CFAP299: variants seen among roughly 807,000 people sequenced by gnomAD.
CFAP299 encodes the protein cilia and flagella associated protein 299, also known as cilia- and flagella-associated protein 299.
CFAP299 carries 21 observed loss-of-function variants against 27.0 expected under a neutral mutation model. That is an observed-to-expected ratio of 0.78 (90% CI 0.55 to 1.12). The LOEUF (loss-of-function observed/expected upper bound fraction) is 1.12. CFAP299 is among the 50% of genes most tolerant of loss of function. CFAP299 has a pLI of 0.00. For synonymous variants in CFAP299, 104 were observed against 98.1 expected, an observed-to-expected ratio of 1.06 and a Z score of -0.36; for missense variants, 310 against 276.6, an observed-to-expected ratio of 1.12 and a Z score of -0.86.
intron 3 of CFAP299, among the ~76,000 whole-genome samples, chr4:80,740,739 G>A (rs1052114607): frequency 2.8e-4 from 42 of 152,144 alleles, no homozygotes; most frequent in African/African-American, 9.4e-4. Context: ...GCATACAAAC[G>A]ACAATGCAAA....
chr4:80,596,683 A>C (rs1317602892), intron 3 of CFAP299, among the ~76,000 whole-genome samples: 1 of 152,158 alleles, frequency 6.6e-6, no homozygotes, highest in Admixed American at 6.6e-5. Flanking sequence ...AAACCATTTG[A>C]TCACTACCCA....
chr4:80,591,657 G>A (rs960287775), intron 3 of CFAP299, among the ~76,000 whole-genome samples: 6 of 152,210 alleles, frequency 3.9e-5, no homozygotes, highest in Admixed American at 3.3e-4. Flanking sequence ...AAATGGAGGG[G>A]CACAGAGCCA....
intron 3 of CFAP299, among the ~76,000 whole-genome samples, chr4:80,647,179 T>A (rs1163042711): frequency 1.3e-5 from 2 of 152,150 alleles, no homozygotes; most frequent in African/African-American, 2.4e-5. Context: ...AAGGAATGAA[T>A]CTTTTTATCA....
chr4:80,878,190 C>T (rs1733516817), intron 4 of CFAP299, among the ~76,000 whole-genome samples: 1 of 152,034 alleles, frequency 6.6e-6, no homozygotes, highest in African/African-American at 2.4e-5. Flanking sequence ...TAAAAGAGCA[C>T]CTCTCTCCAT....
intron 2 of CFAP299, chr4:80,386,230 T>A: frequency 9.6e-7 from 1 of 1,046,002 alleles, no homozygotes; most frequent in Non-Finnish European, 1.4e-6. Flanking sequence ...ACATGGGCCC[T>A]CGGCCCCGGC....
chr4:80,715,053 A>G (rs1722400616), intron 3 of CFAP299, among the ~76,000 whole-genome samples: 1 of 152,134 alleles, frequency 6.6e-6, no homozygotes, highest in African/African-American at 2.4e-5. Context: ...CGATAGTCTT[A>G]CTAAAACCTC....
At chr4:80,783,146 C>T (rs931725103) in intron 3 of CFAP299, among the ~76,000 whole-genome samples, 1 of 152,086 alleles carries the variant, frequency 6.6e-6, no homozygotes, top group Non-Finnish European at 1.5e-5. Context: ...TTATTTAAGG[C>T]AGCAAATCTC....
At chr4:80,877,764 C>A (rs1733486543) in intron 4 of CFAP299, among the ~76,000 whole-genome samples, 1 of 152,016 alleles carries the variant, frequency 6.6e-6, no homozygotes. Context: ...ACTTTTTCAA[C>A]TTTTTATTAT....
intron 3 of CFAP299, among the ~76,000 whole-genome samples, chr4:80,755,133 A>T (rs1725160955): frequency 6.6e-6 from 1 of 152,084 alleles, no homozygotes; most frequent in Non-Finnish European, 1.5e-5. Context: ...GAAGTGGTGG[A>T]TATAAGGCAG....
At chr4:80,369,326 C>A (rs1488014066) in intron 2 of CFAP299, among the ~76,000 whole-genome samples, 1 of 152,310 alleles carries the variant, frequency 6.6e-6, no homozygotes, top group Non-Finnish European at 1.5e-5. Context: ...AGGAAACTCA[C>A]AATAAAGTCA....
chr4:80,693,505 C>G (rs1158851048), intron 3 of CFAP299, among the ~76,000 whole-genome samples: 9 of 132,472 alleles, frequency 6.8e-5, no homozygotes, highest in Non-Finnish European at 9.1e-5. Flanking sequence ...AATGAGAACA[C>G]ATGGACACAG....
intron 2 of CFAP299, among the ~76,000 whole-genome samples, chr4:80,501,369 A>G (rs1339057221): frequency 6.7e-6 from 1 of 149,858 alleles, no homozygotes; most frequent in East Asian, 1.9e-4. Context: ...TGAAATTTAT[A>G]TAAATACATG....
intron 4 of CFAP299, among the ~76,000 whole-genome samples, chr4:80,933,522 C>T (rs1055759669): frequency 2.6e-5 from 4 of 152,042 alleles, no homozygotes; most frequent in Non-Finnish European, 4.4e-5. Context: ...CTGTAGATTG[C>T]TTGATGTAAT....
chr4:80,836,839 C>T (rs2110135595), intron 3 of CFAP299, among the ~76,000 whole-genome samples: 1 of 151,980 alleles, frequency 6.6e-6, no homozygotes, highest in Non-Finnish European at 1.5e-5. Context: ...TCTTAGAAAA[C>T]AAACGACTTT....
intron 3 of CFAP299, among the ~76,000 whole-genome samples, chr4:80,670,116 C>T (rs1741392768): frequency 6.6e-6 from 1 of 152,044 alleles, no homozygotes; most frequent in South Asian, 2.1e-4. Context: ...TTAGGTATTT[C>T]TCCTAATGCT....
At chr4:80,803,821 G>T (rs563307241) in intron 3 of CFAP299, among the ~76,000 whole-genome samples, 26 of 151,426 alleles carry the variant, frequency 1.7e-4, no homozygotes, top group African/African-American at 6.3e-4. Context: ...CATACAATTT[G>T]CCGTCTTAAT....
chr4:80,687,869 C>T (rs927629175), intron 3 of CFAP299, among the ~76,000 whole-genome samples: 2 of 152,266 alleles, frequency 1.3e-5, no homozygotes, highest in East Asian at 1.9e-4. Context: ...GGCATTGCCT[C>T]ACTGGGGAAG....
At chr4:80,871,490 T>C (rs1204559936) in intron 4 of CFAP299, 1 of 985,310 alleles carries the variant, frequency 1.0e-6, no homozygotes, top group African/African-American at 1.7e-5. Flanking sequence ...TTTATGATTC[T>C]TAAAACTTAT....
At chr4:80,864,033 C>T (rs1215647565) in intron 3 of CFAP299, among the ~76,000 whole-genome samples, 1 of 151,820 alleles carries the variant, frequency 6.6e-6, no homozygotes, top group Non-Finnish European at 1.5e-5. Flanking sequence ...GGGATGGCTA[C>T]AAATGTCATA....
Sources: gnomAD v4.1 joint callset for allele counts (sites outside exome capture counted in the v4.1 genomes callset) on GRCh38, gnomAD v4.1.1 for gene constraint, MANE v1.5 for transcripts, NCBI Gene and HGNC (gene_info 2026-07-23, HGNC 2026-07-21) for gene names.